Variants in DLGAP2 observed in about 807,000 individuals in gnomAD.
The protein encoded by DLGAP2 is DLG associated protein 2.
A neutral mutation model predicts 100.3 loss-of-function variants in DLGAP2; 26 were observed. That is an observed-to-expected ratio of 0.26 (90% confidence interval 0.19 to 0.36). DLGAP2 has a LOEUF of 0.36. Among genes scored for constraint, DLGAP2 ranks in the 10% least tolerant of loss-of-function variants. DLGAP2 has a pLI of 1.00. For missense variants in DLGAP2, 1,858 were observed against 1,453.2 expected (o/e 1.28, Z -4.53); for synonymous variants, 886 against 630.1 (o/e 1.41, Z -6.08).
At chr8:969,239 G>A (rs527247638) in intron 2 of DLGAP2, among the ~76,000 whole-genome samples, 2 of 152,182 alleles carry the variant, frequency 1.3e-5, no homozygotes, top group East Asian at 3.8e-4. Flanking sequence ...TCCGATGTCA[G>A]CTCTTCCTGG....
At chr8:746,730 C>A (rs1416896967) in intron 1 of DLGAP2, among the ~76,000 whole-genome samples, 1 of 152,072 alleles carries the variant, frequency 6.6e-6, no homozygotes, top group African/African-American at 2.4e-5. Context: ...ATAGAAAGTC[C>A]CACACAAAAC....
rs193131051 is a variant in DLGAP2, at chr8:1,167,032, A to T, written c.74-91819A>T. Among the ~76,000 whole-genome samples the T allele has an allele frequency of 4.6e-5, 7 of 152,280 alleles. No individual in the cohort carries two copies. In the East Asian group the frequency reaches 1.4e-3, roughly 29 times the overall value. ...GCACCTGTAGTCCCAGCTAATCTGTAGGCTGAGGTGGGAGGATCGCTTGAG... is the reference window on the plus strand; with the variant it reads ...GCACCTGTAGTCCCAGCTAATCTGTTGGCTGAGGTGGGAGGATCGCTTGAG... On this transcript the variant is annotated intron_variant, in intron 2 of 14. Coordinates refer to ENST00000637795, the MANE Select transcript of DLGAP2 (RefSeq NM_001346810.2).
chr8:1,296,471 T>C (rs541994374), intron 3 of DLGAP2, among the ~76,000 whole-genome samples: 13 of 152,320 alleles, frequency 8.5e-5, no homozygotes, highest in Admixed American at 7.2e-4. Context: ...AGCCCTCATA[T>C]TGTATGTGTG....
intron 8 of DLGAP2, among the ~76,000 whole-genome samples, chr8:1,637,915 G>C (rs150155754): frequency 2.4e-4 from 37 of 152,314 alleles, no homozygotes; most frequent in Admixed American, 1.3e-3. Flanking sequence ...CCTGCAGGAA[G>C]AGTTGAGAGG....
chr8:1,205,215 G>C (rs1248938520), intron 2 of DLGAP2, among the ~76,000 whole-genome samples: 1 of 152,154 alleles, frequency 6.6e-6, no homozygotes. Flanking sequence ...TGTAACTGTA[G>C]GTTAAGAAGT....
At chr8:1,651,808 T>G (rs969831516) in intron 8 of DLGAP2, among the ~76,000 whole-genome samples, 1 of 152,028 alleles carries the variant, frequency 6.6e-6, no homozygotes, top group African/African-American at 2.4e-5. Context: ...AGAAGTAAAT[T>G]TGAAAAGTTA....
intron 2 of DLGAP2, among the ~76,000 whole-genome samples, chr8:1,056,803 C>T (rs933784385): frequency 6.6e-6 from 1 of 152,228 alleles, no homozygotes; most frequent in Non-Finnish European, 1.5e-5. Context: ...CCAGCACTTA[C>T]ATCAGACCAG....
At chr8:889,905 T>C (rs1797999475) in intron 1 of DLGAP2, among the ~76,000 whole-genome samples, 1 of 152,150 alleles carries the variant, frequency 6.6e-6, no homozygotes, top group Non-Finnish European at 1.5e-5. Context: ...GCAAGTGGGA[T>C]CTTCTGATCC....
At chr8:1,367,778 T>G (rs151072110) in intron 3 of DLGAP2, among the ~76,000 whole-genome samples, 16 of 152,254 alleles carry the variant, frequency 1.1e-4, no homozygotes, top group Non-Finnish European at 2.9e-5. Context: ...CACTCTGTTG[T>G]GTATTTACGG....
intron 2 of DLGAP2, among the ~76,000 whole-genome samples, chr8:1,082,205 G>A (rs1048035832): frequency 2.0e-5 from 3 of 152,144 alleles, no homozygotes; most frequent in Admixed American, 6.5e-5. Context: ...TCTAGAACTC[G>A]AGTGGCAGGT....
intron 4 of DLGAP2, among the ~76,000 whole-genome samples, chr8:1,530,118 A>C (rs1800938672): frequency 6.6e-6 from 1 of 152,162 alleles, no homozygotes; most frequent in Non-Finnish European, 1.5e-5. Context: ...AACCGGTCTG[A>C]TCAAAATTTA....
chr8:923,214 T>C (rs1050558451), intron 2 of DLGAP2, among the ~76,000 whole-genome samples: 5 of 152,068 alleles, frequency 3.3e-5, no homozygotes, highest in African/African-American at 1.2e-4. Flanking sequence ...AGGCTTTCTC[T>C]CCTGTGTTAG....
chr8:785,323 T>G, intron 1 of DLGAP2, among the ~76,000 whole-genome samples: 1 of 149,300 alleles, frequency 6.7e-6, no homozygotes. Flanking sequence ...GATTCCCATG[T>G]GGCTCAGGCT....
chr8:887,803 C>T (rs199552800), intron 1 of DLGAP2, among the ~76,000 whole-genome samples: 2 of 152,230 alleles, frequency 1.3e-5, no homozygotes, highest in African/African-American at 2.4e-5. Context: ...CTGCCCTTAA[C>T]GTTTTTTTCT....
At chr8:986,703 A>G (rs1042723203) in intron 2 of DLGAP2, among the ~76,000 whole-genome samples, 38 of 147,544 alleles carry the variant, frequency 2.6e-4, no homozygotes, top group Non-Finnish European at 5.2e-4. Context: ...TCTGTTGCCT[A>G]GGCTGGAGTG....
chr8:990,460 C>T (rs1489051730), intron 2 of DLGAP2, among the ~76,000 whole-genome samples: 1 of 18,320 alleles, frequency 5.5e-5, no homozygotes, highest in African/African-American at 3.2e-4. Flanking sequence ...TTCTTCTCTC[C>T]CACCTTGCCC....
intron 6 of DLGAP2, 90 bp downstream of exon 6, chr8:1,565,984 C>T: frequency 8.8e-7 from 1 of 1,131,732 alleles, no homozygotes; most frequent in Non-Finnish European, 1.2e-6. Flanking sequence ...GAGCTGAGTG[C>T]CATCCATTTA....
intron 4 of DLGAP2, among the ~76,000 whole-genome samples, chr8:1,545,544 C>G (rs1363698233): frequency 1.3e-5 from 2 of 152,142 alleles, no homozygotes; most frequent in Non-Finnish European, 2.9e-5. Flanking sequence ...TGTTTGCTAC[C>G]TCATTTTCAC....
chr8:1,631,321 G>T (rs1797639876), intron 7 of DLGAP2, among the ~76,000 whole-genome samples: 1 of 152,182 alleles, frequency 6.6e-6, no homozygotes, highest in East Asian at 1.9e-4. Flanking sequence ...CTTACAGAAG[G>T]GTGTCCACTG....
Sources: gnomAD v4.1 joint callset for allele counts (sites outside exome capture counted in the v4.1 genomes callset) on GRCh38, gnomAD v4.1.1 for gene constraint, MANE v1.5 for transcripts, NCBI Gene and HGNC (gene_info 2026-07-23, HGNC 2026-07-21) for gene names.